Variants in PPP4R1 observed in about 807,000 individuals in gnomAD.
The protein encoded by PPP4R1 is serine/threonine-protein phosphatase 4 regulatory subunit 1.
Under a neutral mutation model 111.2 loss-of-function variants are expected in PPP4R1, and 42 were observed. The observed-to-expected ratio is 0.38, with a 90% CI of 0.29 to 0.49. The LOEUF is 0.49. Among genes scored for constraint, PPP4R1 ranks in the 20% least tolerant of loss-of-function variants. The probability of loss-of-function intolerance (pLI) is 0.97; values close to 1 mark genes in which losing one functional copy is unlikely to be tolerated. For missense variants in PPP4R1, 1,012 were observed against 1,161.6 expected, an observed-to-expected ratio of 0.87 and a Z score of 1.87; for synonymous variants, 409 against 405.5, an observed-to-expected ratio of 1.01 and a Z score of -0.10.
In PPP4R1 at chr18:9,582,815, T is replaced by C. The variant is rs894404339; in HGVS notation, c.918+302A>G. Among the ~76,000 whole-genome samples, 7 of 152,328 alleles carry C rather than the reference T, an allele frequency of 4.6e-5. No individual in the cohort carries two copies. The East Asian group carries it at 1.3e-3, about 29-fold the overall frequency. On this transcript the variant is annotated intron_variant, in intron 9 of 19. Transcript: ENST00000400556. The stretch of plus-strand genomic sequence containing the variant: ...ATCCAGCGACATATAAAAAGAATTA[T>C]ACAACTATGACCAAGTGGGACTTAT...
intron 9 of PPP4R1, among the ~76,000 whole-genome samples, chr18:9,580,309 C>T (rs973016933): frequency 3.3e-5 from 5 of 151,294 alleles, no homozygotes; most frequent in Admixed American, 2.0e-4. Context: ...TTAAAGAAAA[C>T]TGACAAAATG....
intron 10 of PPP4R1, among the ~76,000 whole-genome samples, chr18:9,575,914 A>AT (rs902918717): frequency 6.6e-6 from 1 of 152,186 alleles, no homozygotes; most frequent in Non-Finnish European, 1.5e-5. Context: ...TAAACAGGTA[A>AT]TTTTTTAAGT....
chr18:9,559,639 G>T (rs1445165717), intron 13 of PPP4R1, 35 bp from the exon 14 acceptor site: 4 of 1,474,780 alleles, frequency 2.7e-6, no homozygotes, highest in Non-Finnish European at 3.7e-6. Context: ...TGACTGAGCA[G>T]CTGAGATGCA....
intron 15 of PPP4R1, among the ~76,000 whole-genome samples, chr18:9,556,364 TTG>T (rs1446576992): frequency 6.6e-6 from 1 of 151,614 alleles, no homozygotes; most frequent in African/African-American, 2.4e-5. Flanking sequence ...AGCTAATTTT[TTG>T]TATTTTAGTA....
intron 11 of PPP4R1, among the ~76,000 whole-genome samples, chr18:9,564,738 G>GTTT (rs67103985): frequency 4.0e-4 from 5 of 12,524 alleles, no homozygotes; most frequent in African/African-American, 2.3e-3. Context: ...GTGTGTGTGT[G>GTTT]GGGGTATCAT....
chr18:9,574,942 T>C (rs2066915001), intron 10 of PPP4R1, among the ~76,000 whole-genome samples: 1 of 152,240 alleles, frequency 6.6e-6, no homozygotes, highest in Non-Finnish European at 1.5e-5. Context: ...ACTTTTAAAA[T>C]GCAGATTTGA....
intron 11 of PPP4R1, among the ~76,000 whole-genome samples, chr18:9,564,739 G>GTGTGTGTGTGTGT (rs1568094920): frequency 0.015 from 269 of 17,358 alleles, 1 homozygote; most frequent in Non-Finnish European, 0.036. Context: ...TGTGTGTGTG[G>GTGTGTGTGTGTGT]GGGTATCATC....
chr18:9,607,542 A>C (rs1287660092), intron 2 of PPP4R1, among the ~76,000 whole-genome samples: 1 of 152,126 alleles, frequency 6.6e-6, no homozygotes, highest in African/African-American at 2.4e-5. Context: ...AAGGCACTTC[A>C]CCAAAGGAGA....
At chr18:9,595,224 A>G (rs2067272632) in intron 2 of PPP4R1, 71 bp from the exon 3 acceptor site, 2 of 1,466,720 alleles carry the variant, frequency 1.4e-6, no homozygotes, top group South Asian at 2.7e-5. Flanking sequence ...TGTCTGAAGC[A>G]GTACAAATCT....
chr18:9,616,829 G>C (rs2067692967), upstream of PPP4R1, among the ~76,000 whole-genome samples: 1 of 152,298 alleles, frequency 6.6e-6, no homozygotes, highest in Non-Finnish European at 1.5e-5. Flanking sequence ...CTGTGGGAAG[G>C]GCAGCAAAGG....
chr18:9,580,891 A>C (rs1380031500), intron 9 of PPP4R1, among the ~76,000 whole-genome samples: 1 of 152,212 alleles, frequency 6.6e-6, no homozygotes, highest in Non-Finnish European at 1.5e-5. Flanking sequence ...GGTCTACCTC[A>C]CAGGGTGGTG....
Position 9,549,221 on chromosome 18 carries a change from A to C in PPP4R1, c.2665T>G (p.Leu889Val). 1 of 1,613,956 alleles carries C rather than the reference A, an allele frequency of 6.2e-7. No individual in the cohort carries two copies. Residue 889 changes from leucine to valine, a missense_variant, in exon 19 of 20, where the codon TTA (leucine) becomes GTA (valine). Around this residue, in one of 2 missense-constraint regions of PPP4R1, gnomAD observed 305 missense variants for 419.5 expected, o/e 0.73. Transcript: ENST00000400556. ...CCTTTTTCTAGTAGAGTTTGTCTTA[A>C]TGTCTTTGCAAGCAGCACTCGCACG... ...PNVRVLLAKT[L>V]RQTLLEKDYF...
intron 3 of PPP4R1, 184 bp downstream of exon 3, chr18:9,594,834 G>C: frequency 1.7e-6 from 1 of 592,060 alleles, no homozygotes; most frequent in Non-Finnish European, 2.7e-6. Flanking sequence ...CATGTTGTAT[G>C]CTTACTAGGA....
In PPP4R1 at chr18:9,614,334, C is replaced by A. The variant is rs28461902; in HGVS notation, c.8-64G>T. On this transcript the variant is annotated intron_variant, in intron 1 of 19. Transcript: ENST00000400556. This position sits in a 1 kb window ranked among gnomAD's most constrained non-coding sequence, Gnocchi z 4.1. Reference sequence around the variant, plus strand: ...CCGGGGCCCGGCGCGACGCCCCCCCCCCGCCCGCCTCCCCCCCGCCCCGGG... The same window carrying A: ...CCGGGGCCCGGCGCGACGCCCCCCCACCGCCCGCCTCCCCCCCGCCCCGGG... 6.3e-5 allele frequency: 69 copies of A among 1,101,392 alleles called. 1 individual carries two copies. The South Asian group carries it at 1.1e-3, about 17-fold the overall frequency. 68.2% of individuals were successfully genotyped at this position (1,101,392 alleles called of 1,614,324 possible). A position where few individuals can be genotyped will look rare whatever the true frequency, so the allele number is the denominator to read the frequency against.
chr18:9,575,631 A>T (rs1434533513), intron 10 of PPP4R1, among the ~76,000 whole-genome samples: 2 of 152,206 alleles, frequency 1.3e-5, no homozygotes, highest in Admixed American at 1.3e-4. Context: ...AACTACCTTT[A>T]AATAGCTATT....
intron 19 of PPP4R1, 130 bp downstream of exon 19, chr18:9,549,067 A>C: frequency 1.7e-6 from 2 of 1,192,764 alleles, no homozygotes; most frequent in Non-Finnish European, 2.4e-6. Context: ...CGGAACAACT[A>C]AAGTATTTCC....
intron 10 of PPP4R1, among the ~76,000 whole-genome samples, chr18:9,574,951 G>A (rs2066915178): frequency 6.6e-6 from 1 of 152,196 alleles, no homozygotes; most frequent in African/African-American, 2.4e-5. Context: ...ATGCAGATTT[G>A]AGTATTTCAA....
At position 9,570,366 on chromosome 18, in the gene PPP4R1, G is replaced by A. The variant is rs1406064896; in HGVS notation, c.1364C>T (p.Ser455Phe). 3 of 1,613,044 alleles carry A rather than the reference G, an allele frequency of 1.9e-6. No homozygotes were observed. In the East Asian group the frequency reaches 6.7e-5, roughly 36 times the overall value. ...AAGAGGAGTCCTCCAGAAATGGAAG[G>A]AGTTATACAATTCCTGATCTAAGAG... ...SALLDQELYN[S>F]FHFWRTPLPE... Residue 455 changes from serine to phenylalanine, a missense_variant, in exon 11 of 20, where the codon TCC becomes TTC. Ser to Phe is a radical substitution (Grantham distance 155). Around this residue, in one of 2 missense-constraint regions of PPP4R1, gnomAD observed 707 missense variants for 742.1 expected, o/e 0.95. Transcript: ENST00000400556.
intron 8 of PPP4R1, 135 bp from the exon 9 acceptor site, chr18:9,583,410 A>G: frequency 2.1e-6 from 2 of 934,356 alleles, no homozygotes; most frequent in Non-Finnish European, 3.0e-6. Flanking sequence ...TCTTTTGCCC[A>G]GGCTGGAGTG....
Sources: gnomAD v4.1 joint callset for allele counts (sites outside exome capture counted in the v4.1 genomes callset) on GRCh38, gnomAD v4.1.1 for gene constraint, gnomAD v4.1.1 regional missense constraint, Gnocchi (gnomAD v3.1) non-coding constraint, MANE v1.5 for transcripts, NCBI Gene and HGNC (gene_info 2026-07-23, HGNC 2026-07-21) for gene names.